TEX9: variants seen among roughly 807,000 people sequenced by gnomAD.
TEX9 encodes testis expressed 9.
A neutral mutation model predicts 59.6 loss-of-function variants in TEX9; 74 were observed. The ratio of observed to expected loss-of-function variants is 1.24; its 90% confidence interval spans 1.03 to 1.51. The LOEUF (loss-of-function observed/expected upper bound fraction) is 1.51, where lower values mean the gene tolerates loss of function less well. Among genes scored for constraint, TEX9 ranks in the 40% most tolerant of loss-of-function variants. TEX9 has a pLI of 0.00. For missense variants in TEX9, 522 were observed against 447.8 expected, an observed-to-expected ratio of 1.17 and a Z score of -1.49; for synonymous variants, 186 against 152.2, an observed-to-expected ratio of 1.22 and a Z score of -1.64.
chr15:56,272,018 C>T (rs2044545851), intron 1 of TEX9, among the ~76,000 whole-genome samples: 1 of 151,916 alleles, frequency 6.6e-6, no homozygotes, highest in Admixed American at 6.6e-5. Flanking sequence ...GGGGTGGGCA[C>T]CGGTAGTCGC....
At chr15:56,329,307 G>T (rs1237459075) in intron 1 of TEX9, among the ~76,000 whole-genome samples, 1 of 152,160 alleles carries the variant, frequency 6.6e-6, no homozygotes, top group Non-Finnish European at 1.5e-5. Flanking sequence ...TTCCTAAGAA[G>T]TATGGATAAA....
intron 1 of TEX9, among the ~76,000 whole-genome samples, chr15:56,329,360 C>T (rs1348169835): frequency 1.3e-5 from 2 of 152,154 alleles, no homozygotes; most frequent in Admixed American, 1.3e-4. Context: ...ATACCTAACT[C>T]TTCAATGCCC....
At chr15:56,291,363 CCT>C (rs1292703133) in intron 1 of TEX9, among the ~76,000 whole-genome samples, 3 of 152,170 alleles carry the variant, frequency 2.0e-5, no homozygotes, top group African/African-American at 7.2e-5. Context: ...CTTGTGGAGA[CCT>C]CTTACTTGGT....
intron 12 of TEX9, among the ~76,000 whole-genome samples, chr15:56,440,498 T>C (rs1350854311): frequency 6.6e-6 from 1 of 152,176 alleles, no homozygotes; most frequent in Non-Finnish European, 1.5e-5. Context: ...TTGATGTTTA[T>C]ACAAAAACCT....
At chr15:56,409,954 T>G (rs751275792) in intron 9 of TEX9, 1 of 152,218 alleles carries the variant, frequency 6.6e-6, no homozygotes, top group African/African-American at 2.4e-5. Flanking sequence ...TATGTCTATG[T>G]GTATATATGT....
rs554455580 is a variant in TEX9, at chr15:56,381,173, A to C, written c.184-2779A>C. On this transcript the variant is annotated intron_variant, in intron 3 of 12. Transcript: ENST00000352903. ...AGATTACTAATTCTTCTGCTTGATC[A>C]GTTCTGCTATTAAGAGACTCTGATG... 1.6e-3 allele frequency among the ~76,000 whole-genome samples: 241 copies of C among 152,094 alleles called. 2 individuals carry two copies. Among genetic ancestry groups the C allele is most frequent in the African/African-American group, 5.6e-3 (234 of 41,494 alleles).
At chr15:56,334,859 AT>A (rs1449599738) in intron 1 of TEX9, among the ~76,000 whole-genome samples, 10 of 152,208 alleles carry the variant, frequency 6.6e-5, no homozygotes, top group African/African-American at 2.4e-4. Flanking sequence ...CTGAATAGAC[AT>A]TTCTCAAAAG....
chr15:56,318,663 C>T (rs1596085600), intron 1 of TEX9, among the ~76,000 whole-genome samples: 1 of 151,584 alleles, frequency 6.6e-6, no homozygotes, highest in African/African-American at 2.4e-5. Context: ...AATTTTAATT[C>T]TCTTGTTGTT....
At chr15:56,428,333 C>T in intron 11 of TEX9, 34 bp from the exon 12 acceptor site, 1 of 1,535,068 alleles carries the variant, frequency 6.5e-7, no homozygotes, top group Non-Finnish European at 9.0e-7. Context: ...ACTCTTAATA[C>T]TAAATCAGAC....
exon 7 of TEX9, chr15:56,391,401 G>A: frequency 6.4e-7 from 1 of 1,552,522 alleles, no homozygotes; most frequent in Non-Finnish European, 8.7e-7. Flanking sequence ...TCTGGTGTTA[G>A]TAATGACATT....
intron 1 of TEX9, among the ~76,000 whole-genome samples, chr15:56,307,279 T>C (rs963735308): frequency 5.3e-5 from 8 of 152,186 alleles, no homozygotes; most frequent in African/African-American, 1.9e-4. Context: ...CCCAAGCTTA[T>C]TGTCTAAACA....
At chr15:56,375,324 T>G (rs2142054824) in intron 3 of TEX9, among the ~76,000 whole-genome samples, 1 of 152,328 alleles carries the variant, frequency 6.6e-6, no homozygotes, top group Admixed American at 6.5e-5. Flanking sequence ...TTTTGAGAAG[T>G]GTCTGTTCAT....
intron 2 of TEX9, 152 bp downstream of exon 2, chr15:56,365,822 T>C: frequency 6.9e-7 from 1 of 1,446,856 alleles, no homozygotes; most frequent in Non-Finnish European, 9.1e-7. Flanking sequence ...CGTTTATCCT[T>C]TCTTTGTCTT....
rs143124023 is a variant in TEX9 at position 56,336,567 on chromosome 15, A to T, written c.-106-36874A>T. On this transcript the variant is annotated intron_variant, in intron 1 of 5. Transcript: ENST00000560827. ...TGAGAAATAAGTTTCTATTGTTTATACACCACCCAGTGTATGGTACTTTGT... is the reference window on the plus strand; with the variant it reads ...TGAGAAATAAGTTTCTATTGTTTATTCACCACCCAGTGTATGGTACTTTGT... Among the ~76,000 whole-genome samples the T allele has an allele frequency of 1.7e-3, 259 of 152,266 alleles. 1 individual carries two copies. The highest frequency in any genetic ancestry group is 2.9e-3 in the Non-Finnish European group (200 of 68,026).
At chr15:56,393,593 A>C (rs919220640) in intron 7 of TEX9, 1 of 152,218 alleles carries the variant, frequency 6.6e-6, no homozygotes, top group Admixed American at 6.5e-5. Context: ...TTATGGGCCT[A>C]TAAACTTCAA....
intron 12 of TEX9, among the ~76,000 whole-genome samples, chr15:56,435,836 C>G (rs140713985): frequency 6.6e-6 from 1 of 151,894 alleles, no homozygotes; most frequent in Non-Finnish European, 1.5e-5. Flanking sequence ...AGTATTACCC[C>G]GCTACCAATA....
chr15:56,372,244 G>A (rs193130695), intron 2 of TEX9, among the ~76,000 whole-genome samples: 4 of 152,128 alleles, frequency 2.6e-5, no homozygotes, highest in African/African-American at 9.6e-5. Flanking sequence ...TTTTTCTTTT[G>A]ACCAGGTAAT....
At chr15:56,259,548 C>T (rs75048838) in intron 1 of TEX9, among the ~76,000 whole-genome samples, 6,676 of 152,024 alleles carry the variant, frequency 0.044, 227 homozygotes, top group Admixed American at 0.086. Context: ...CATTGTTGTA[C>T]ATCAAGTATA....
At chr15:56,273,876 C>T (rs892905976) in intron 1 of TEX9, among the ~76,000 whole-genome samples, 3 of 152,126 alleles carry the variant, frequency 2.0e-5, no homozygotes, top group Non-Finnish European at 4.4e-5. Context: ...TTATCGTTCA[C>T]TTTTAGCACT....
Sources: gnomAD v4.1 joint callset for allele counts (sites outside exome capture counted in the v4.1 genomes callset) on GRCh38, gnomAD v4.1.1 for gene constraint, MANE v1.5 for transcripts, NCBI Gene and HGNC (gene_info 2026-07-23, HGNC 2026-07-21) for gene names.